MCCC1: variants seen among roughly 807,000 people sequenced by gnomAD.
MCCC1 encodes the protein methylcrotonyl-CoA carboxylase subunit 1, also known as methylcrotonoyl-CoA carboxylase subunit alpha, mitochondrial.
MCCC1 carries 64 observed loss-of-function variants against 83.8 expected under a neutral mutation model. That is an observed-to-expected ratio of 0.76 (90% CI 0.62 to 0.94). The LOEUF (loss-of-function observed/expected upper bound fraction) is 0.94. MCCC1 is among the 40% of genes least tolerant of loss of function. The pLI is 0.00. For synonymous variants in MCCC1, 322 were observed against 315.4 expected, an observed-to-expected ratio of 1.02 and a Z score of -0.22; for missense variants, 807 against 904.7, an observed-to-expected ratio of 0.89 and a Z score of 1.39.
chr3:183,109,603 T>C (rs1274742069), intron 1 of MCCC1, among the ~76,000 whole-genome samples: 1 of 152,228 alleles, frequency 6.6e-6, no homozygotes, highest in African/African-American at 2.4e-5. Flanking sequence ...TTTTTATGGT[T>C]GTGTAGTATT....
At chr3:183,029,457 G>T (rs1338909521) in intron 14 of MCCC1, among the ~76,000 whole-genome samples, 2 of 152,120 alleles carry the variant, frequency 1.3e-5, no homozygotes, top group Non-Finnish European at 2.9e-5. Flanking sequence ...TGTCATCCAG[G>T]CTTGAAACCT....
chr3:183,054,826 T>C (rs1425578329), intron 8 of MCCC1, among the ~76,000 whole-genome samples: 1 of 152,178 alleles, frequency 6.6e-6, no homozygotes, highest in African/African-American at 2.4e-5. Flanking sequence ...CTGTACCTTT[T>C]CTACGTTTAT....
upstream of MCCC1, among the ~76,000 whole-genome samples, chr3:183,100,460 T>G (rs1009492696): frequency 2.0e-5 from 3 of 152,184 alleles, no homozygotes; most frequent in Non-Finnish European, 4.4e-5. Context: ...ACAAAAGCCC[T>G]CCATGTCTTG....
intron 1 of MCCC1, among the ~76,000 whole-genome samples, chr3:183,114,120 C>T (rs1051688501): frequency 3.3e-5 from 5 of 152,166 alleles, no homozygotes; most frequent in Admixed American, 1.3e-4. Context: ...GATACTGTGG[C>T]GAGCTATATC....
intron 15 of MCCC1, among the ~76,000 whole-genome samples, chr3:183,023,277 T>C (rs1712307585): frequency 6.6e-6 from 1 of 152,222 alleles, no homozygotes; most frequent in Non-Finnish European, 1.5e-5. Flanking sequence ...ACATGGCTAT[T>C]CTTTTCAAAT....
chr3:183,052,087 G>T, intron 9 of MCCC1, 72 bp downstream of exon 9: 1 of 1,428,300 alleles, frequency 7.0e-7, no homozygotes, highest in Non-Finnish European at 9.9e-7. Flanking sequence ...TAAAAGTTGT[G>T]TTTCTCTTGC....
intron 15 of MCCC1, among the ~76,000 whole-genome samples, chr3:183,025,397 C>T (rs975513102): frequency 2.0e-5 from 3 of 152,216 alleles, no homozygotes; most frequent in Admixed American, 6.5e-5. Flanking sequence ...AACCAAAGTG[C>T]TCTGGTGGGT....
chr3:183,039,716 T>C (rs150214415), intron 11 of MCCC1, among the ~76,000 whole-genome samples: 214 of 152,120 alleles, frequency 1.4e-3, no homozygotes, highest in African/African-American at 4.8e-3. Context: ...GTAGAAAGGA[T>C]GTGGTGTGTT....
rs780352053 is a variant in MCCC1, at chr3:183,071,226, C to T, written c.623G>A (p.Arg208Gln). ...IGYPVMIKAV[R>Q]GGGGKGMRIV... The stretch of plus-strand genomic sequence containing the variant: ...CAATCTTACTTTTCCTCCTCCACCC[C>T]GGACGGCTTTAATCATGACAGGATA... The change falls in exon 6 of 19, where the codon CGG becomes CAG. Residue 208 changes from arginine (R) to glutamine (Q), a missense_variant. Coordinates refer to ENST00000265594, the MANE Select transcript of MCCC1 (RefSeq NM_020166.5). 1.7e-5 allele frequency: 28 copies of T among 1,614,196 alleles called. No homozygotes were observed. Among genetic ancestry groups the T allele is most frequent in the Admixed American group, 5.0e-5 (3 of 60,024 alleles).
chr3:183,086,675 TC>T lies in MCCC1; in HGVS notation c.369+17del. 6.2e-7 allele frequency: 1 copy of T among 1,610,880 alleles called. No individual in the cohort carries two copies. Among genetic ancestry groups the T allele is most frequent in the South Asian group, 1.1e-5 (1 of 90,944 alleles). ...AAACGTATTCCTTTTGCACTGCAAATCTCTTCACAACCCTCACCTGTGCAGC... is the reference window on the plus strand; with the variant it reads ...AAACGTATTCCTTTTGCACTGCAAATTCTTCACAACCCTCACCTGTGCAGC... On this transcript the variant is annotated intron_variant, in intron 4 of 18. Transcript: ENST00000265594.
intron 4 of MCCC1, among the ~76,000 whole-genome samples, chr3:183,082,705 C>T (rs994641024): frequency 1.7e-4 from 26 of 152,272 alleles, no homozygotes; most frequent in Admixed American, 1.1e-3. Flanking sequence ...GTGGCCAGGG[C>T]GGTGGCTCAC....
At chr3:183,093,488 A>G (rs1401605233) in intron 2 of MCCC1, among the ~76,000 whole-genome samples, 3 of 152,190 alleles carry the variant, frequency 2.0e-5, no homozygotes, top group African/African-American at 4.8e-5. Context: ...TTCTCTTGCA[A>G]CACAAGTGAC....
chr3:183,102,199 C>A (rs1577382215), upstream of MCCC1, among the ~76,000 whole-genome samples: 1 of 151,954 alleles, frequency 6.6e-6, no homozygotes, highest in African/African-American at 2.4e-5. Flanking sequence ...CCCGCATCTG[C>A]ACAAACATTT....
intron 14 of MCCC1, among the ~76,000 whole-genome samples, chr3:183,030,159 T>C (rs797021212): frequency 2.0e-5 from 3 of 152,078 alleles, no homozygotes; most frequent in African/African-American, 4.8e-5. Flanking sequence ...AACACAAAAA[T>C]TAGCTGGGCA....
At chr3:183,102,905 G>A (rs187240232), upstream of MCCC1, among the ~76,000 whole-genome samples, 1 of 150,004 alleles carries the variant, frequency 6.7e-6, no homozygotes, top group Non-Finnish European at 1.5e-5. Flanking sequence ...TCATGGCTCA[G>A]CCTCCCGAAT....
upstream of MCCC1, among the ~76,000 whole-genome samples, chr3:183,103,820 G>C (rs1024923752): frequency 3.3e-5 from 5 of 152,186 alleles, no homozygotes; most frequent in Admixed American, 2.0e-4. Context: ...GGGAAGGCTC[G>C]GGCCGCACAA....
intron 2 of MCCC1, among the ~76,000 whole-genome samples, chr3:183,092,830 T>C (rs1025368431): frequency 6.6e-6 from 1 of 152,210 alleles, no homozygotes; most frequent in Non-Finnish European, 1.5e-5. Context: ...ATGCCAAGGA[T>C]CAAATTATAA....
intron 7 of MCCC1, among the ~76,000 whole-genome samples, chr3:183,065,647 G>C (rs1716204540): frequency 6.6e-6 from 1 of 151,738 alleles, no homozygotes; most frequent in Admixed American, 6.6e-5. Context: ...TTTTTGTCTA[G>C]ATTAAAAAGT....
At chr3:183,063,451 C>A (rs1472299927) in intron 7 of MCCC1, among the ~76,000 whole-genome samples, 1 of 152,048 alleles carries the variant, frequency 6.6e-6, no homozygotes, top group African/African-American at 2.4e-5. Flanking sequence ...GATATTGACT[C>A]TTCTCAGTTA....
Sources: allele counts gnomAD v4.1 joint callset (sites outside exome capture counted in the v4.1 genomes callset), GRCh38; gene constraint gnomAD v4.1.1; transcripts MANE v1.5; gene names NCBI Gene and HGNC (gene_info 2026-07-23, HGNC 2026-07-21).